The following CADPS2 variants were observed in gnomAD, a reference collection of about 807,000 sequenced individuals.
CADPS2 encodes calcium dependent secretion activator 2, also known as calcium-dependent secretion activator 2.
A neutral mutation model predicts 172.5 loss-of-function variants in CADPS2; 93 were observed. The observed-to-expected ratio is 0.54, with a 90% CI of 0.46 to 0.64. CADPS2 has a LOEUF of 0.64. Among genes scored for constraint, CADPS2 ranks in the 30% least tolerant of loss-of-function variants. The probability of loss-of-function intolerance (pLI) is 0.00; values close to 1 mark genes in which losing one functional copy is unlikely to be tolerated. For missense variants in CADPS2, 1,420 were observed against 1,565.9 expected (o/e 0.91, Z 1.57); for synonymous variants, 546 against 555.2 (o/e 0.98, Z 0.23).
intron 7 of CADPS2, among the ~76,000 whole-genome samples, chr7:122,557,299 T>C (rs1436843396): frequency 2.6e-5 from 4 of 152,108 alleles, no homozygotes; most frequent in Non-Finnish European, 4.4e-5. Flanking sequence ...CAGAGGGCCA[T>C]GGAGAATAAA....
intron 14 of CADPS2, among the ~76,000 whole-genome samples, chr7:122,463,859 T>C (rs758754699): frequency 6.6e-6 from 1 of 152,134 alleles, no homozygotes; most frequent in Non-Finnish European, 1.5e-5. Context: ...TTCTCACTGT[T>C]GAAAAGATAA....
In CADPS2 at chr7:122,859,214, A is replaced by C. The variant is rs560791018; in HGVS notation, c.339+26785T>G. Among the ~76,000 whole-genome samples the C allele has an allele frequency of 2.0e-4, 31 of 152,338 alleles. No individual in the cohort carries two copies. The South Asian group carries it at 2.1e-3, about 10-fold the overall frequency. The stretch of plus-strand genomic sequence containing the variant: ...AAAGTTTATATTATGTTAAAGAAAA[A>C]TATCCCAAAAGACTTTCTTAAAAGT... On this transcript the variant is annotated intron_variant, in intron 1 of 29. Coordinates refer to ENST00000449022, the MANE Select transcript of CADPS2 (RefSeq NM_017954.11).
chr7:122,504,656 T>C (rs946643024), intron 9 of CADPS2, among the ~76,000 whole-genome samples: 9 of 152,152 alleles, frequency 5.9e-5, no homozygotes, highest in African/African-American at 1.9e-4. Flanking sequence ...AACCTCGAAT[T>C]CCTGGTCTCA....
intron 6 of CADPS2, among the ~76,000 whole-genome samples, chr7:122,603,913 CAA>C (rs1220878177): frequency 6.6e-6 from 1 of 151,996 alleles, no homozygotes; most frequent in African/African-American, 2.4e-5. Flanking sequence ...AGATGTTGAT[CAA>C]AGAGTACACA....
chr7:122,632,155 T>G (rs2076636487), intron 3 of CADPS2, among the ~76,000 whole-genome samples: 1 of 152,184 alleles, frequency 6.6e-6, no homozygotes, highest in African/African-American at 2.4e-5. Flanking sequence ...CATTAGTGTG[T>G]CAATGACCAT....
At chr7:122,334,676 G>C (rs915175885) in intron 28 of CADPS2, among the ~76,000 whole-genome samples, 2 of 152,138 alleles carry the variant, frequency 1.3e-5, no homozygotes, top group Non-Finnish European at 2.9e-5. Flanking sequence ...CAAGTTTACA[G>C]TCATCCACTT....
chr7:122,481,408 C>A (rs1307869524), intron 11 of CADPS2, among the ~76,000 whole-genome samples: 5 of 152,246 alleles, frequency 3.3e-5, no homozygotes, highest in Middle Eastern at 3.4e-3. Context: ...TCTGCCTTGA[C>A]AATAAATTGA....
chr7:122,582,123 G>GA (rs552206969), intron 6 of CADPS2, among the ~76,000 whole-genome samples: 112 of 151,668 alleles, frequency 7.4e-4, no homozygotes, highest in Non-Finnish European at 1.1e-3. Flanking sequence ...AAATACCAGA[G>GA]AAAAAAATGA....
intron 12 of CADPS2, among the ~76,000 whole-genome samples, chr7:122,477,581 T>A (rs947718754): frequency 2.1e-5 from 3 of 144,130 alleles, no homozygotes; most frequent in Non-Finnish European, 3.0e-5. Context: ...CCAAAAACTG[T>A]AAAGTGAAAT....
chr7:122,859,713 AG>A lies in CADPS2; in HGVS notation c.339+26285del, dbSNP rs758135368. Among the ~76,000 whole-genome samples, 37 of 152,294 alleles carry A rather than the reference AG, an allele frequency of 2.4e-4. 2 individuals are homozygous for A. The East Asian group carries it at 3.5e-3, about 14-fold the overall frequency. On this transcript the variant is annotated intron_variant, in intron 1 of 29. Transcript: ENST00000449022. ...TTGGGGCCCTTATATAAAATGGCAT[AG>A]TATTTACATACGGTATTCTCCTGTA...
chr7:122,730,680 C>T (rs1294596036), intron 2 of CADPS2, among the ~76,000 whole-genome samples: 1 of 151,574 alleles, frequency 6.6e-6, no homozygotes, highest in Non-Finnish European at 1.5e-5. Flanking sequence ...AAACACCAAA[C>T]TGTAAAAGGA....
intron 17 of CADPS2, among the ~76,000 whole-genome samples, chr7:122,428,185 A>T (rs1343125740): frequency 6.6e-6 from 1 of 152,156 alleles, no homozygotes; most frequent in Non-Finnish European, 1.5e-5. Context: ...TTCATAAATA[A>T]TACTAAATGT....
intron 3 of CADPS2, among the ~76,000 whole-genome samples, chr7:122,662,535 C>G (rs1279268112): frequency 2.6e-5 from 4 of 151,960 alleles, no homozygotes; most frequent in African/African-American, 9.7e-5. Flanking sequence ...ACCACCACGC[C>G]CAGCTAATTT....
chr7:122,343,322 A>C (rs2150958626), intron 28 of CADPS2, among the ~76,000 whole-genome samples: 1 of 152,346 alleles, frequency 6.6e-6, no homozygotes, highest in Admixed American at 6.5e-5. Flanking sequence ...ATGGTTGCTT[A>C]TTAAGGGTTA....
At chr7:122,418,076 A>G (rs1271059406) in intron 17 of CADPS2, among the ~76,000 whole-genome samples, 1 of 152,018 alleles carries the variant, frequency 6.6e-6, no homozygotes, top group African/African-American at 2.4e-5. Context: ...AGGCTGAGGC[A>G]GGAGAATCGC....
chr7:122,533,450 G>T (rs1482615481), intron 8 of CADPS2, among the ~76,000 whole-genome samples: 3 of 151,886 alleles, frequency 2.0e-5, no homozygotes, highest in Non-Finnish European at 4.4e-5. Flanking sequence ...TACACCCATG[G>T]TCTTAAATTT....
chr7:122,374,138 G>T (rs989624059), intron 25 of CADPS2, among the ~76,000 whole-genome samples: 1 of 152,056 alleles, frequency 6.6e-6, no homozygotes, highest in Non-Finnish European at 1.5e-5. Flanking sequence ...TTAATAGAAT[G>T]AAGGATAAAA....
At chr7:122,466,649 TA>T (rs925811789) in intron 14 of CADPS2, among the ~76,000 whole-genome samples, 2 of 152,162 alleles carry the variant, frequency 1.3e-5, no homozygotes, top group African/African-American at 4.8e-5. Context: ...ATACACTGCA[TA>T]AAAAAATTAC....
chr7:122,339,084 C>T (rs961636864), intron 28 of CADPS2: 12 of 152,036 alleles, frequency 7.9e-5, no homozygotes, highest in Non-Finnish European at 1.5e-4. Flanking sequence ...TCTATAATAT[C>T]GTAGAATTAT....
Sources: allele counts gnomAD v4.1 joint callset (sites outside exome capture counted in the v4.1 genomes callset), GRCh38; gene constraint gnomAD v4.1.1; transcripts MANE v1.5; gene names NCBI Gene and HGNC (gene_info 2026-07-23, HGNC 2026-07-21).